The following SLC2A9 variants were observed in gnomAD, a reference collection of about 807,000 sequenced individuals.
The protein encoded by SLC2A9 is solute carrier family 2, facilitated glucose transporter member 9.
Under a neutral mutation model 50.6 loss-of-function variants are expected in SLC2A9, and 39 were observed. The ratio of observed to expected loss-of-function variants is 0.77; its 90% CI spans 0.60 to 1.01. SLC2A9 has a LOEUF of 1.01. SLC2A9 is among the 50% of genes least tolerant of loss of function. SLC2A9 has a pLI of 0.00. For missense variants in SLC2A9, 686 were observed against 677.6 expected (o/e 1.01, Z -0.14); for synonymous variants, 324 against 276.9 (o/e 1.17, Z -1.69).
intron 6 of SLC2A9, among the ~76,000 whole-genome samples, chr4:9,928,727 CCTT>C (rs1212818623): frequency 6.6e-6 from 1 of 152,132 alleles, no homozygotes. Flanking sequence ...GAGCAAGACT[CCTT>C]CTCAAAAGCA....
intron 5 of SLC2A9, among the ~76,000 whole-genome samples, chr4:9,957,274 G>C (rs1293994653): frequency 6.6e-6 from 1 of 151,898 alleles, no homozygotes; most frequent in Non-Finnish European, 1.5e-5. Context: ...TCCCAGAATA[G>C]GCATCTCCCA....
chr4:9,999,552 T>TG (rs1379063720), intron 2 of SLC2A9, among the ~76,000 whole-genome samples: 2 of 151,898 alleles, frequency 1.3e-5, no homozygotes, highest in African/African-American at 4.8e-5. Context: ...GAAGAAAGCT[T>TG]GGGTGGCCAT....
At chr4:9,906,468 G>C (rs1338168365) in intron 8 of SLC2A9, among the ~76,000 whole-genome samples, 1 of 152,150 alleles carries the variant, frequency 6.6e-6, no homozygotes, top group African/African-American at 2.4e-5. Flanking sequence ...TAAGAAAATG[G>C]AGAGTCATTC....
chr4:9,824,772 A>G (rs147322267), downstream of SLC2A9, among the ~76,000 whole-genome samples: 55 of 152,322 alleles, frequency 3.6e-4, 1 homozygote, highest in Middle Eastern at 3.4e-3. Context: ...GTCTCCAAAT[A>G]AAAGAGAACA....
intron 5 of SLC2A9, among the ~76,000 whole-genome samples, chr4:9,951,504 C>T (rs1164734070): frequency 1.3e-5 from 2 of 152,074 alleles, no homozygotes; most frequent in Non-Finnish European, 2.9e-5. Flanking sequence ...ATATGTGTAA[C>T]AAAATTTCAC....
At chr4:9,782,071 G>C in intron 3 of SLC2A9, 1 of 1,500,464 alleles carries the variant, frequency 6.7e-7, no homozygotes, top group East Asian at 2.3e-5. Context: ...ACCCGGGGCA[G>C]TTCGCTCTAT....
At chr4:9,829,947 C>G (rs751110908) in intron 11 of SLC2A9, among the ~76,000 whole-genome samples, 10 of 152,204 alleles carry the variant, frequency 6.6e-5, no homozygotes, top group Non-Finnish European at 1.2e-4. Flanking sequence ...TTGTGAAAAA[C>G]AGCATGGTGA....
At chr4:10,001,368 T>G (rs888502784) in intron 2 of SLC2A9, among the ~76,000 whole-genome samples, 1 of 152,080 alleles carries the variant, frequency 6.6e-6, no homozygotes, top group Non-Finnish European at 1.5e-5. Flanking sequence ...TAAACAGGCA[T>G]GGGGAGAAGA....
chr4:9,783,088 A>C (rs200984113), intron 3 of SLC2A9: 1 of 1,613,980 alleles, frequency 6.2e-7, no homozygotes. Flanking sequence ...CTAACTCCTC[A>C]CTCAACCCCG....
At chr4:10,018,545 A>ATGAT (rs1762998678) in intron 2 of SLC2A9, among the ~76,000 whole-genome samples, 2 of 127,288 alleles carry the variant, frequency 1.6e-5, no homozygotes, top group Admixed American at 8.1e-5. Flanking sequence ...CATCTCAAAG[A>ATGAT]TGATAGATAG....
intron 3 of SLC2A9, chr4:9,781,853 G>A (rs1718439926): frequency 1.2e-5 from 6 of 509,180 alleles, no homozygotes; most frequent in Non-Finnish European, 1.6e-5. Context: ...CGCTTCAGGA[G>A]GCAAGAGAAG....
At chr4:9,852,256 T>G (rs1434703891) in intron 10 of SLC2A9, among the ~76,000 whole-genome samples, 1 of 151,624 alleles carries the variant, frequency 6.6e-6, no homozygotes, top group African/African-American at 2.4e-5. Context: ...TCTTTTTTTT[T>G]TTTTTTTGAG....
chr4:9,783,096 C>G (rs1266445576), intron 3 of SLC2A9: 4 of 1,614,116 alleles, frequency 2.5e-6, no homozygotes, highest in Non-Finnish European at 2.5e-6. Context: ...TCACTCAACC[C>G]CGTCATCTAT....
chr4:9,881,033 G>C (rs531802100), intron 10 of SLC2A9, among the ~76,000 whole-genome samples: 1 of 152,210 alleles, frequency 6.6e-6, no homozygotes, highest in Non-Finnish European at 1.5e-5. Context: ...CTTATCTCCT[G>C]ACTCCTCCTC....
At chr4:9,986,706 A>G (rs1756784557) in intron 3 of SLC2A9, among the ~76,000 whole-genome samples, 1 of 152,176 alleles carries the variant, frequency 6.6e-6, no homozygotes, top group Admixed American at 6.5e-5. Flanking sequence ...TACTAAGTGA[A>G]TGGCTGGACT....
At chr4:9,878,748 G>A (rs923602823) in intron 10 of SLC2A9, among the ~76,000 whole-genome samples, 6 of 151,996 alleles carry the variant, frequency 3.9e-5, no homozygotes, top group African/African-American at 9.7e-5. Flanking sequence ...CAGAAGTGCC[G>A]GCTCCCTGGG....
chr4:9,780,269 T>C (rs1422179520), intron 3 of SLC2A9, among the ~76,000 whole-genome samples: 3 of 152,068 alleles, frequency 2.0e-5, no homozygotes, highest in Admixed American at 2.0e-4. Context: ...AGTGCCACCA[T>C]CAAACAGGAT....
intron 6 of SLC2A9, among the ~76,000 whole-genome samples, chr4:9,928,422 A>G (rs1745298097): frequency 6.6e-6 from 1 of 152,242 alleles, no homozygotes; most frequent in Non-Finnish European, 1.5e-5. Flanking sequence ...TTATATACAC[A>G]GATCACCAAT....
chr4:9,942,074 C>G (rs556832594), intron 5 of SLC2A9, 29 bp from the exon 6 acceptor site: 1 of 1,613,528 alleles, frequency 6.2e-7, no homozygotes, highest in Non-Finnish European at 8.5e-7. Context: ...CTGCTGAGTG[C>G]AGTGGCCTTT....
Sources: allele counts gnomAD v4.1 joint callset (sites outside exome capture counted in the v4.1 genomes callset), GRCh38; gene constraint gnomAD v4.1.1; transcripts MANE v1.5; gene names NCBI Gene and HGNC (gene_info 2026-07-23, HGNC 2026-07-21).